Variants in SPON1 observed in about 807,000 individuals in gnomAD.
SPON1 encodes the protein spondin 1.
Under a neutral mutation model 111.7 loss-of-function variants are expected in SPON1, and 52 were observed. The observed-to-expected ratio is 0.47, with a 90% confidence interval of 0.37 to 0.59. The LOEUF is 0.59. Ranked by LOEUF, SPON1 falls within the 20% of genes least tolerant of loss-of-function variation. The pLI, the probability that SPON1 is intolerant of heterozygous loss-of-function variation, is 0.00. For missense variants in SPON1, 957 were observed against 1,068.5 expected (o/e 0.90, Z 1.46); for synonymous variants, 410 against 395.8 (o/e 1.04, Z -0.43).
chr11:13,996,713 A>G lies in SPON1; in HGVS notation c.345+13760A>G, dbSNP rs540455405. 3.5e-4 allele frequency among the ~76,000 whole-genome samples: 50 copies of G among 143,986 alleles called. No homozygotes were observed. The South Asian group carries it at 4.0e-3, about 11-fold the overall frequency. The allele number at this position is 143,986 out of a possible 152,430, so 94.5% of individuals were successfully genotyped here. ...ATATAGAAAACACACCTATGTGTGTATATATATATATACACACACACCTAT... is the reference window on the plus strand; with the variant it reads ...ATATAGAAAACACACCTATGTGTGTGTATATATATATACACACACACCTAT... On this transcript the variant is annotated intron_variant, in intron 2 of 15. Transcript: ENST00000576479.
chr11:14,081,521 C>G (rs1208955170), intron 5 of SPON1, among the ~76,000 whole-genome samples: 2 of 151,974 alleles, frequency 1.3e-5, no homozygotes, highest in African/African-American at 4.8e-5. Context: ...GATCCAAGAT[C>G]CAAAGGGGTT....
chr11:14,072,962 T>G (rs1848888871), intron 3 of SPON1, among the ~76,000 whole-genome samples: 1 of 152,142 alleles, frequency 6.6e-6, no homozygotes, highest in African/African-American at 2.4e-5. Flanking sequence ...AGGTCGAGTA[T>G]TCCTTATCCA....
intron 2 of SPON1, among the ~76,000 whole-genome samples, chr11:14,000,842 A>G (rs553777346): frequency 1.3e-5 from 2 of 152,296 alleles, no homozygotes; most frequent in East Asian, 3.9e-4. Flanking sequence ...TTTAGTGACA[A>G]CATAGCCACT....
chr11:14,077,197 G>A (rs549334998), intron 4 of SPON1, among the ~76,000 whole-genome samples: 26 of 152,314 alleles, frequency 1.7e-4, no homozygotes, highest in African/African-American at 5.8e-4. Context: ...TGTCAGTGAA[G>A]TATCTCCTAA....
At chr11:14,151,216 A>T (rs1183183608) in intron 6 of SPON1, among the ~76,000 whole-genome samples, 2 of 152,206 alleles carry the variant, frequency 1.3e-5, no homozygotes, top group African/African-American at 4.8e-5. Flanking sequence ...AAGCTCTTTC[A>T]AAGGTTAGCC....
chr11:14,057,807 A>G (rs555134156), intron 3 of SPON1, among the ~76,000 whole-genome samples: 1 of 131,258 alleles, frequency 7.6e-6, no homozygotes, highest in African/African-American at 2.6e-5. Flanking sequence ...CCAGCCTGGA[A>G]AACGTAGTGA....
intron 6 of SPON1, among the ~76,000 whole-genome samples, chr11:14,176,105 C>T (rs1486856009): frequency 1.3e-5 from 2 of 152,056 alleles, no homozygotes; most frequent in African/African-American, 2.4e-5. Context: ...CAGACAGGCA[C>T]TCCGAGACAG....
intron 2 of SPON1, among the ~76,000 whole-genome samples, chr11:14,003,882 A>G (rs1848338871): frequency 6.6e-6 from 1 of 152,126 alleles, no homozygotes; most frequent in Non-Finnish European, 1.5e-5. Flanking sequence ...AGACTTGTTC[A>G]TCCTATATAA....
rs1449195147 is a variant in SPON1, at chr11:13,962,754, A to C, written c.-151A>C. 3 of 685,722 alleles carry C rather than the reference A, an allele frequency of 4.4e-6. No individual in the cohort carries two copies. Among genetic ancestry groups the C allele is most frequent in the Non-Finnish European group, 6.8e-6 (3 of 443,482 alleles). The allele number at this position is 685,722 out of a possible 1,614,324, so 42.5% of individuals were successfully genotyped here. On this transcript the variant is annotated 5_prime_UTR_variant, in exon 1 of 16. Coordinates refer to ENST00000576479, the MANE Select transcript of SPON1 (RefSeq NM_006108.4). Reference sequence around the variant, plus strand: ...GCGCAGCTCCGCGGCCGCCAAGCCGAGGCGGGCACGGTCTCCGAGTCGCGG... The same window carrying C: ...GCGCAGCTCCGCGGCCGCCAAGCCGCGGCGGGCACGGTCTCCGAGTCGCGG...
chr11:14,006,665 T>A (rs1309191217), intron 2 of SPON1, among the ~76,000 whole-genome samples: 3 of 152,168 alleles, frequency 2.0e-5, no homozygotes, highest in African/African-American at 7.2e-5. Context: ...CCTCCTTAGC[T>A]AAGCTCATCA....
At chr11:14,147,345 T>C (rs1210261828) in intron 6 of SPON1, among the ~76,000 whole-genome samples, 1 of 151,874 alleles carries the variant, frequency 6.6e-6, no homozygotes, top group Non-Finnish European at 1.5e-5. Context: ...GAACCATTTT[T>C]ATAACCTAGA....
At chr11:14,243,236 T>C in intron 6 of SPON1, 96 bp from the exon 7 acceptor site, 1 of 1,172,848 alleles carries the variant, frequency 8.5e-7, no homozygotes. Flanking sequence ...CAACAGCAGG[T>C]GAGGGAGTGG....
intron 6 of SPON1, among the ~76,000 whole-genome samples, chr11:14,161,019 CTATA>C (rs1564919897): frequency 1.8e-5 from 1 of 55,376 alleles, no homozygotes; most frequent in Non-Finnish European, 3.0e-5. Flanking sequence ...ATTTATATAT[CTATA>C]TATATTTATA....
chr11:14,118,785 A>G lies in SPON1; in HGVS notation c.677-16635A>G, dbSNP rs1166861603. On this transcript the variant is annotated intron_variant, in intron 5 of 15. Transcript: ENST00000576479. ...GGCTCAAGCTGTGGATCCCCAGTGG[A>G]GTAGAAAGGGCAAGGCCTTAAGGTT... Among the ~76,000 whole-genome samples, 3 of 152,272 alleles carry G rather than the reference A, an allele frequency of 2.0e-5. No individual in the cohort carries two copies. The East Asian group carries it at 5.8e-4, about 29-fold the overall frequency.
intron 5 of SPON1, among the ~76,000 whole-genome samples, chr11:14,113,974 T>C (rs561704042): frequency 1.6e-4 from 25 of 152,290 alleles, no homozygotes; most frequent in African/African-American, 6.0e-4. Context: ...GATGTTTTGA[T>C]ACAGGCATGC....
At chr11:14,137,036 C>T (rs1554928165) in intron 6 of SPON1, among the ~76,000 whole-genome samples, 1 of 152,138 alleles carries the variant, frequency 6.6e-6, no homozygotes, top group Non-Finnish European at 1.5e-5. Flanking sequence ...CCTTTTGTTA[C>T]AAATAGTAGT....
chr11:14,045,241 T>C (rs1244597133), intron 3 of SPON1, among the ~76,000 whole-genome samples: 1 of 152,182 alleles, frequency 6.6e-6, no homozygotes, highest in Non-Finnish European at 1.5e-5. Flanking sequence ...CCCATTCATA[T>C]TCTTGTCCAT....
chr11:14,150,782 G>T (rs922966244), intron 6 of SPON1, among the ~76,000 whole-genome samples: 1 of 152,178 alleles, frequency 6.6e-6, no homozygotes. Flanking sequence ...ACTAAGGCTA[G>T]GAAAGTCAAG....
chr11:14,066,166 AT>A (rs1240990817), intron 3 of SPON1, among the ~76,000 whole-genome samples: 4 of 152,168 alleles, frequency 2.6e-5, no homozygotes, highest in African/African-American at 9.7e-5. Flanking sequence ...AATAAAAGTA[AT>A]TTTTTAGTAA....
Sources: allele counts gnomAD v4.1 joint callset (sites outside exome capture counted in the v4.1 genomes callset), GRCh38; gene constraint gnomAD v4.1.1; transcripts MANE v1.5; gene names NCBI Gene and HGNC (gene_info 2026-07-23, HGNC 2026-07-21).